MMRN1: variants seen among roughly 807,000 people sequenced by gnomAD.
MMRN1 encodes multimerin 1.
In MMRN1, 94 loss-of-function variants were observed where a neutral mutation model predicts 100.7. The ratio of observed to expected loss-of-function variants is 0.93; its 90% CI spans 0.79 to 1.11. The LOEUF is 1.11. Ranked by LOEUF, MMRN1 falls within the 50% of genes least tolerant of loss-of-function variation. MMRN1 has a pLI of 0.00. For synonymous variants in MMRN1, 575 were observed against 505.0 expected, an observed-to-expected ratio of 1.14 and a Z score of -1.86; for missense variants, 1,606 against 1,439.1, an observed-to-expected ratio of 1.12 and a Z score of -1.88.
Position 89,951,711 on chromosome 4 carries a change from C to G in MMRN1, c.3225C>G (p.Asn1075Lys), listed in dbSNP as rs61734879. 2 of 1,612,128 alleles carry G rather than the reference C, an allele frequency of 1.2e-6. No homozygotes were observed. The highest frequency in any genetic ancestry group is 3.4e-5 in the Admixed American group (2 of 59,676). Residue 1075 changes from asparagine to lysine, a missense_variant, in exon 7 of 8, where the codon AAC becomes AAG. Asn to Lys is a moderately conservative substitution (Grantham distance 94). Coordinates refer to ENST00000264790, the MANE Select transcript of MMRN1 (RefSeq NM_007351.3). Reference sequence around the variant, plus strand: ...GCAGACATCCTTTTACTGGTGACAACTGCACTATCAAGCTTGTGGAAGAAA... The same window carrying G: ...GCAGACATCCTTTTACTGGTGACAAGTGCACTATCAAGCTTGTGGAAGAAA... The part of the protein sequence containing the change: ...CACRHPFTGD[N>K]CTIKLVEENA...
intron 6 of MMRN1, among the ~76,000 whole-genome samples, chr4:89,950,101 G>T (rs992919133): frequency 2.0e-5 from 3 of 152,180 alleles, no homozygotes; most frequent in Non-Finnish European, 4.4e-5. Context: ...CACAACAAAT[G>T]AAATTATTCT....
intron 2 of MMRN1, among the ~76,000 whole-genome samples, 156 bp from the exon 3 acceptor site, chr4:89,911,788 A>G (rs1721758195): frequency 6.6e-6 from 1 of 151,400 alleles, no homozygotes; most frequent in Non-Finnish European, 1.5e-5. Flanking sequence ...GTTAGGCAAT[A>G]ATATTGATGA....
At position 89,942,290 on chromosome 4, in the gene MMRN1, C is replaced by T. The variant is rs541930688; in HGVS notation, c.3118+5492C>T. On this transcript the variant is annotated intron_variant, in intron 6 of 7. Transcript: ENST00000264790. The stretch of plus-strand genomic sequence containing the variant: ...TCTTAACTTGTCTGTAAATTAAATG[C>T]AATAAACATATATTTTTGTACTGGT... Among the ~76,000 whole-genome samples, 4 of 152,124 alleles carry T rather than the reference C, an allele frequency of 2.6e-5. No homozygotes were observed. In the South Asian group the frequency reaches 8.3e-4, roughly 32 times the overall value.
At chr4:89,937,039 G>A (rs758552129) in intron 6 of MMRN1, among the ~76,000 whole-genome samples, 1 of 151,974 alleles carries the variant, frequency 6.6e-6, no homozygotes, top group Non-Finnish European at 1.5e-5. Flanking sequence ...AAATTTTTCT[G>A]ACTAGACCTC....
At chr4:89,889,376 CA>C (rs1421453604) in intron 1 of MMRN1, among the ~76,000 whole-genome samples, 1 of 152,098 alleles carries the variant, frequency 6.6e-6, no homozygotes, top group Non-Finnish European at 1.5e-5. Flanking sequence ...GGCCTTAACC[CA>C]AAAGTTTCCT....
At chr4:89,922,780 T>C (rs764674602) in intron 3 of MMRN1, among the ~76,000 whole-genome samples, 1 of 152,170 alleles carries the variant, frequency 6.6e-6, no homozygotes, top group Non-Finnish European at 1.5e-5. Flanking sequence ...GGAATTGCCT[T>C]GTTAAACAAT....
At chr4:89,883,052 A>G (rs1290082514) in intron 1 of MMRN1, among the ~76,000 whole-genome samples, 1 of 152,028 alleles carries the variant, frequency 6.6e-6, no homozygotes, top group Non-Finnish European at 1.5e-5. Flanking sequence ...CAGTAATCAT[A>G]TTGATTTTTG....
intron 3 of MMRN1, among the ~76,000 whole-genome samples, chr4:89,922,784 A>G (rs1044774600): frequency 2.0e-5 from 3 of 152,134 alleles, no homozygotes; most frequent in African/African-American, 7.2e-5. Flanking sequence ...TTGCCTTGTT[A>G]AACAATCAGC....
At chr4:89,907,090 T>G (rs1721586863) in intron 1 of MMRN1, among the ~76,000 whole-genome samples, 1 of 151,526 alleles carries the variant, frequency 6.6e-6, no homozygotes, top group Non-Finnish European at 1.5e-5. Context: ...TGAGTCAGTC[T>G]CAGTAATTAG....
chr4:89,898,636 G>A (rs922431323), intron 1 of MMRN1, among the ~76,000 whole-genome samples: 2 of 150,888 alleles, frequency 1.3e-5, no homozygotes, highest in African/African-American at 2.4e-5. Context: ...CGCCACTTCC[G>A]GCTATTCAAA....
chr4:89,920,379 T>C (rs1722050536), intron 3 of MMRN1, among the ~76,000 whole-genome samples: 1 of 152,138 alleles, frequency 6.6e-6, no homozygotes, highest in Non-Finnish European at 1.5e-5. Context: ...GGGCTGTAGA[T>C]TTGATTGCTG....
chr4:89,931,012 G>A (rs940120166), intron 5 of MMRN1, among the ~76,000 whole-genome samples: 4 of 151,978 alleles, frequency 2.6e-5, no homozygotes, highest in African/African-American at 9.7e-5. Flanking sequence ...AGTACTTTAA[G>A]GCTGTGTGTC....
intron 6 of MMRN1, among the ~76,000 whole-genome samples, chr4:89,950,747 T>TG (rs1229120449): frequency 3.3e-5 from 5 of 152,142 alleles, no homozygotes; most frequent in South Asian, 4.1e-4. Flanking sequence ...AAATTAGAGA[T>TG]GGGGTATCAC....
Position 89,923,363 on chromosome 4 carries a change from A to G in MMRN1, c.955+91A>G, listed in dbSNP as rs1408738918. On this transcript the variant is annotated intron_variant, in intron 4 of 7. Coordinates refer to ENST00000264790, the MANE Select transcript of MMRN1 (RefSeq NM_007351.3). Reference sequence around the variant, plus strand: ...AAGCAAGAAATCTCTTAGTTGTCAAATGATTGATGGTGACACATTAGCATA... The same window carrying G: ...AAGCAAGAAATCTCTTAGTTGTCAAGTGATTGATGGTGACACATTAGCATA... 6 of 1,131,148 alleles carry G rather than the reference A, an allele frequency of 5.3e-6. No individual in the cohort carries two copies. The African/African-American group carries it at 9.2e-5, about 17-fold the overall frequency. The allele number at this position is 1,131,148 out of a possible 1,614,324, so 70.1% of individuals were successfully genotyped here.
At chr4:89,899,111 A>G (rs1487047351) in intron 1 of MMRN1, among the ~76,000 whole-genome samples, 2 of 152,064 alleles carry the variant, frequency 1.3e-5, no homozygotes, top group African/African-American at 2.4e-5. Context: ...ATTTTATAAT[A>G]ATTCTTAGTA....
At chr4:89,910,073 T>C (rs1299025526) in intron 2 of MMRN1, among the ~76,000 whole-genome samples, 2 of 151,448 alleles carry the variant, frequency 1.3e-5, no homozygotes. Context: ...GCTAATGTTA[T>C]GCAAATAGTC....
rs1467790245 is a variant in MMRN1 at position 89,909,275 on chromosome 4, G to A, written c.624-1G>A. 3.8e-6 allele frequency: 6 copies of A among 1,582,384 alleles called. No homozygotes were observed. The highest frequency in any genetic ancestry group is 1.9e-5 in the Admixed American group (1 of 53,676). On this transcript the variant is annotated splice_acceptor_variant, in intron 1 of 7. Coordinates refer to ENST00000264790, the MANE Select transcript of MMRN1 (RefSeq NM_007351.3). LOFTEE classifies it high-confidence loss of function. ...TCCCTAACAATTATGATCTTCTTTA[G>A]GAATTGGTGTGCTTATGTACATACC...
At chr4:89,933,557 G>A (rs151104313) in intron 5 of MMRN1, among the ~76,000 whole-genome samples, 4,227 of 151,818 alleles carry the variant, frequency 0.028, 134 homozygotes, top group African/African-American at 0.074. Context: ...CCACATGGCT[G>A]GGGGAGCTTC....
upstream of MMRN1, among the ~76,000 whole-genome samples, chr4:89,893,792 AAATG>A (rs3836646): frequency 0.11 from 17,192 of 152,124 alleles, 2,250 homozygotes; most frequent in East Asian, 0.31. Context: ...ATACATAAAT[AAATG>A]AATGAGTGAA....
Sources: allele counts gnomAD v4.1 joint callset (sites outside exome capture counted in the v4.1 genomes callset), GRCh38; gene constraint gnomAD v4.1.1; transcripts MANE v1.5; gene names NCBI Gene and HGNC (gene_info 2026-07-23, HGNC 2026-07-21).